MED12L: variants seen among roughly 807,000 people sequenced by gnomAD.
MED12L encodes the protein mediator of RNA polymerase II transcription subunit 12-like protein.
MED12L carries 60 observed loss-of-function variants against 281.3 expected under a neutral mutation model. That is an observed-to-expected ratio of 0.21 (90% CI 0.17 to 0.26). MED12L has a LOEUF of 0.26. MED12L is among the 10% of genes least tolerant of loss of function. MED12L has a pLI of 1.00. For synonymous variants in MED12L, 974 were observed against 987.2 expected (o/e 0.99, Z 0.25); for missense variants, 2,146 against 2,680.9 (o/e 0.80, Z 4.41).
chr3:151,087,727 C>T (rs1012526113), intron 2 of MED12L, among the ~76,000 whole-genome samples: 1 of 152,114 alleles, frequency 6.6e-6, no homozygotes, highest in Non-Finnish European at 1.5e-5. Context: ...TTGGAGACAC[C>T]TTGACTCTTG....
intron 2 of MED12L, among the ~76,000 whole-genome samples, chr3:151,111,533 A>T (rs1293951854): frequency 6.6e-6 from 1 of 152,150 alleles, no homozygotes; most frequent in Non-Finnish European, 1.5e-5. Flanking sequence ...CTGGGCTCTT[A>T]CCCACAGTGC....
In MED12L at chr3:151,136,414, C is replaced by T. The variant is rs143175059; in HGVS notation, c.556+8430C>T. ...CCTTCTATCTCATTTGTCATAAAGG[C>T]GATATCTGCCTTGTTTATGCTGAAA... On this transcript the variant is annotated intron_variant, in intron 5 of 44. Transcript: ENST00000687756. 1.2e-3 allele frequency among the ~76,000 whole-genome samples: 181 copies of T among 152,324 alleles called. 3 individuals carry two copies. The East Asian group carries it at 0.034, about 29-fold the overall frequency.
intron 4 of MED12L, among the ~76,000 whole-genome samples, chr3:151,126,390 A>G (rs893180701): frequency 1.3e-5 from 2 of 152,148 alleles, no homozygotes; most frequent in African/African-American, 4.8e-5. Context: ...TTCCTTCAGC[A>G]TTGAAAAGCT....
At chr3:151,179,815 CA>C (rs1036346299) in intron 11 of MED12L, among the ~76,000 whole-genome samples, 1 of 152,146 alleles carries the variant, frequency 6.6e-6, no homozygotes, top group African/African-American at 2.4e-5. Flanking sequence ...GAAATAAAAA[CA>C]AACCAAAAAT....
intron 16 of MED12L, among the ~76,000 whole-genome samples, chr3:151,256,881 G>T (rs1256428381): frequency 6.7e-6 from 1 of 149,360 alleles, no homozygotes; most frequent in African/African-American, 2.5e-5. Context: ...TTTTAAATGG[G>T]TCATGGGGAA....
Position 151,385,071 on chromosome 3 carries a change from T to C in MED12L, c.4968T>C (p.Val1656=). 1 of 1,610,634 alleles carries C rather than the reference T, an allele frequency of 6.2e-7. No individual in the cohort carries two copies. Among genetic ancestry groups the C allele is most frequent in the Non-Finnish European group, 8.5e-7 (1 of 1,177,536 alleles). ...AGCGATCAGAAAGTATTGACAAAGTTCGACAGTTACTACCTTTGCCGAAAC... is the reference window on the plus strand; with the variant it reads ...AGCGATCAGAAAGTATTGACAAAGTCCGACAGTTACTACCTTTGCCGAAAC... The part of the protein sequence containing the change: ...GDKRSESIDK[V]RQLLPLPKQT... The change falls in exon 36 of 45, where the codon GTT becomes GTC. Residue 1656 remains valine, a synonymous_variant. Transcript: ENST00000687756.
chr3:151,275,687 A>G (rs1373816131), intron 16 of MED12L, among the ~76,000 whole-genome samples: 2 of 152,312 alleles, frequency 1.3e-5, no homozygotes, highest in East Asian at 3.9e-4. Context: ...TAGGGAGGAA[A>G]AGAAAATTCC....
chr3:151,089,657 C>T (rs1415806922), intron 2 of MED12L, among the ~76,000 whole-genome samples: 4 of 150,350 alleles, frequency 2.7e-5, no homozygotes, highest in Non-Finnish European at 1.5e-5. Context: ...TGAACGAAGA[C>T]CCATGTGGAG....
intron 43 of MED12L, among the ~76,000 whole-genome samples, chr3:151,426,312 C>T (rs1272779294): frequency 1.3e-5 from 2 of 152,106 alleles, no homozygotes; most frequent in Non-Finnish European, 2.9e-5. Flanking sequence ...TTTGTGCTGC[C>T]TCAGCCACAT....
At chr3:151,304,032 A>C (rs1746298998) in intron 16 of MED12L, among the ~76,000 whole-genome samples, 1 of 152,244 alleles carries the variant, frequency 6.6e-6, no homozygotes, top group African/African-American at 2.4e-5. Flanking sequence ...ATTCAGCAAC[A>C]AAAAGGTCAT....
chr3:151,335,841 A>G (rs1165616341), intron 16 of MED12L, among the ~76,000 whole-genome samples: 1 of 152,190 alleles, frequency 6.6e-6, no homozygotes, highest in Non-Finnish European at 1.5e-5. Flanking sequence ...GCATATATAC[A>G]TACTCATAAA....
chr3:151,120,056 T>TAAAA (rs35163584), intron 3 of MED12L, among the ~76,000 whole-genome samples: 1 of 118,362 alleles, frequency 8.4e-6, no homozygotes, highest in Non-Finnish European at 1.8e-5. Flanking sequence ...CTGTCTCTAC[T>TAAAA]AAAAAAAAAA....
chr3:151,162,686 G>C (rs919039273), intron 8 of MED12L, among the ~76,000 whole-genome samples: 1 of 152,132 alleles, frequency 6.6e-6, no homozygotes, highest in Admixed American at 6.5e-5. Context: ...TGATCCTTCT[G>C]CCTTGGCTTC....
chr3:151,361,792 G>A (rs576464935), intron 21 of MED12L, among the ~76,000 whole-genome samples: 3 of 152,138 alleles, frequency 2.0e-5, no homozygotes, highest in South Asian at 2.1e-4. Context: ...TCTTCACTCC[G>A]TTTGTCTTTC....
chr3:151,409,432 T>A, intron 40 of MED12L, 100 bp downstream of exon 40: 1 of 955,066 alleles, frequency 1.0e-6, no homozygotes, highest in Non-Finnish European at 1.7e-6. Flanking sequence ...CTATAGGGTC[T>A]AGAACTTGAT....
intron 16 of MED12L, among the ~76,000 whole-genome samples, chr3:151,276,246 G>A (rs1019970309): frequency 5.9e-5 from 9 of 152,132 alleles, no homozygotes; most frequent in African/African-American, 2.2e-4. Context: ...GTAGGTTTGG[G>A]GTCAATAATT....
At chr3:151,368,832 G>A (rs1755816869) in intron 25 of MED12L, among the ~76,000 whole-genome samples, 1 of 148,984 alleles carries the variant, frequency 6.7e-6, no homozygotes, top group Non-Finnish European at 1.5e-5. Context: ...TGTGATCTCG[G>A]CTCACTGCAA....
chr3:151,390,066 T>C lies in MED12L; in HGVS notation c.5539T>C (p.Trp1847Arg), dbSNP rs775187774. 3 of 1,614,190 alleles carry C rather than the reference T, an allele frequency of 1.9e-6. No homozygotes were observed. The highest frequency in any genetic ancestry group is 2.5e-6 in the Non-Finnish European group (3 of 1,179,992). Residue 1847 changes from tryptophan (W) to arginine (R), a missense_variant, in exon 38 of 45, where the codon TGG becomes CGG. Trp to Arg is a moderately radical substitution (Grantham distance 101, BLOSUM62 -3). This residue lies in a region of MED12L where 496 missense variants were observed against 512.0 expected (regional missense o/e 0.97). Transcript: ENST00000687756. Reference sequence around the variant, plus strand: ...GATGCACCATCCACAGTCCACCTTGTGGGGTTACAACCTCGTGGGCCAGCC... The same window carrying C: ...GATGCACCATCCACAGTCCACCTTGCGGGGTTACAACCTCGTGGGCCAGCC... Reference protein sequence around the residue: ...QMMHHPQSTLWGYNLVGQPQQ... With the variant: ...QMMHHPQSTLRGYNLVGQPQQ...
intron 4 of MED12L, among the ~76,000 whole-genome samples, chr3:151,125,452 T>G (rs1714371447): frequency 6.6e-6 from 1 of 152,250 alleles, no homozygotes; most frequent in South Asian, 2.1e-4. Context: ...CAAATTCAGA[T>G]GTTTTATTTT....
Sources: allele counts gnomAD v4.1 joint callset (sites outside exome capture counted in the v4.1 genomes callset), GRCh38; gene constraint gnomAD v4.1.1; regional missense constraint gnomAD v4.1.1; transcripts MANE v1.5; gene names NCBI Gene and HGNC (gene_info 2026-07-23, HGNC 2026-07-21).